Variants in MFSD2B observed in about 807,000 individuals in gnomAD.
MFSD2B encodes the protein MFSD2 lysolipid transporter B, sphingolipid, also known as sphingosine-1-phosphate transporter MFSD2B.
A neutral mutation model predicts 58.4 loss-of-function variants in MFSD2B; 56 were observed. That is an observed-to-expected ratio of 0.96 (90% CI 0.77 to 1.20). The LOEUF is 1.20. MFSD2B is among the 50% of genes most tolerant of loss of function. The pLI is 0.00. For synonymous variants in MFSD2B, 287 were observed against 294.4 expected (o/e 0.97, Z 0.26); for missense variants, 645 against 667.6 (o/e 0.97, Z 0.37).
chr2:24,017,499 G>A lies in MFSD2B; in HGVS notation c.592G>A (p.Val198Ile), dbSNP rs369613796. ...GGCGGGAACACTGATGGGGGCCACT[G>A]TCCACGGGCTCATCGTGTCCGGCGC... is the stretch of plus-strand genomic sequence containing the variant. ...EMAGTLMGAT[V>I]HGLIVSGAHR... Residue 198 changes from valine (V) to isoleucine (I), a missense_variant, in exon 6 of 14, where the codon GTC becomes ATC. Val to Ile is a conservative substitution (Grantham distance 29). Transcript: ENST00000338315. This position sits in a 1 kb window ranked among gnomAD's most constrained non-coding sequence, Gnocchi z 4.8. 3.2e-5 allele frequency: 51 copies of A among 1,596,676 alleles called. No homozygotes were observed. The highest frequency in any genetic ancestry group is 1.7e-4 in the Middle Eastern group (1 of 6,058).
rs1662901210 is a variant in MFSD2B, at chr2:24,024,188, C to T, written c.1407C>T (p.Ile469=). ...TTGGCGCCGTGCCCACCTGCATGAT[C>T]CTTGCTGGGCTCTGCATCCTCATGG... ...VLIGAVPTCM[I]LAGLCILMVG... The change falls in exon 13 of 14, where the codon ATC becomes ATT. Residue 469 remains isoleucine, a synonymous_variant. Transcript: ENST00000338315. The surrounding 1 kb of genome is among the most constrained non-coding windows in gnomAD (Gnocchi z 4.3). 6.2e-7 allele frequency: 1 copy of T among 1,613,778 alleles called. No homozygotes were observed. Among genetic ancestry groups the T allele is most frequent in the Non-Finnish European group, 8.5e-7 (1 of 1,179,812 alleles).
At chr2:24,014,278 C>T (rs1337498526) in intron 2 of MFSD2B, among the ~76,000 whole-genome samples, 1 of 152,066 alleles carries the variant, frequency 6.6e-6, no homozygotes, top group Non-Finnish European at 1.5e-5. Context: ...TCCCAAAGTG[C>T]TGGGATTATA....
chr2:24,024,637 C>T lies in MFSD2B; in HGVS notation c.1490+366C>T, dbSNP rs1199110858. ...CAGCCTGTGCTTCCCTCAACTTCCACAGCCGCATATCACTGGCATGTGGAC... is the reference window on the plus strand; with the variant it reads ...CAGCCTGTGCTTCCCTCAACTTCCATAGCCGCATATCACTGGCATGTGGAC... On this transcript the variant is annotated intron_variant, in intron 13 of 13. Coordinates refer to ENST00000338315, the MANE Select transcript of MFSD2B (RefSeq NM_001346880.2). The surrounding 1 kb of genome is among the most constrained non-coding windows in gnomAD (Gnocchi z 4.3). 6.6e-6 allele frequency among the ~76,000 whole-genome samples: 1 copy of T among 152,190 alleles called. No homozygotes were observed. Among genetic ancestry groups the T allele is most frequent in the Non-Finnish European group, 1.5e-5 (1 of 68,044 alleles).
chr2:24,010,257 C>A, intron 1 of MFSD2B, 65 bp downstream of exon 1: 2 of 1,224,408 alleles, frequency 1.6e-6, no homozygotes, highest in African/African-American at 1.6e-5. Flanking sequence ...CGTCGCCTCG[C>A]AGCCCCTTTT....
In MFSD2B at chr2:24,022,714, CA is replaced by C; in HGVS notation, c.979-107del. On this transcript the variant is annotated intron_variant, in intron 9 of 13. Coordinates refer to ENST00000338315, the MANE Select transcript of MFSD2B (RefSeq NM_001346880.2). The surrounding 1 kb of genome is among the most constrained non-coding windows in gnomAD (Gnocchi z 4.5). ...AACATTCATAGCCACCGGTTTGAACCAGGGGCAAGGCCAAGGTCAGGCATCC... is the reference window on the plus strand; with the variant it reads ...AACATTCATAGCCACCGGTTTGAACCGGGGCAAGGCCAAGGTCAGGCATCC... The C allele has an allele frequency of 3.2e-6, 3 of 935,578 alleles. No homozygotes were observed. The highest frequency in any genetic ancestry group is 3.2e-6 in the Non-Finnish European group (2 of 632,670). 58.0% of individuals were successfully genotyped at this position (935,578 alleles called of 1,614,324 possible). A position where few individuals can be genotyped will look rare whatever the true frequency, so the allele number is the denominator to read the frequency against.
Position 24,021,594 on chromosome 2 carries a change from ACC to A in MFSD2B, c.682-53_682-52del. On this transcript the variant is annotated intron_variant, in intron 6 of 13. Transcript: ENST00000338315. This position sits in a 1 kb window ranked among gnomAD's most constrained non-coding sequence, Gnocchi z 5.7. The stretch of plus-strand genomic sequence containing the variant: ...AGTACTGCCCTGCCCCTCCGGTGTC[ACC>A]ACCTCCAGGGGTTGAAGACATCACC... 6.6e-7 allele frequency: 1 copy of A among 1,522,656 alleles called. No individual in the cohort carries two copies. The highest frequency in any genetic ancestry group is 9.0e-7 in the Non-Finnish European group (1 of 1,112,688). The allele number at this position is 1,522,656 out of a possible 1,614,324, so 94.3% of individuals were successfully genotyped here.
At position 24,017,457 on chromosome 2, in the gene MFSD2B, G is replaced by A; in HGVS notation, c.551-1G>A. On this transcript the variant is annotated splice_acceptor_variant, in intron 5 of 13. Transcript: ENST00000338315. LOFTEE classifies it high-confidence loss of function. This position sits in a 1 kb window ranked among gnomAD's most constrained non-coding sequence, Gnocchi z 4.8. ...CACCTTAAGTGGCACTCTGTCTCCAGGGATGACTGTGGAGATGGCGGGAAC... is the reference window on the plus strand; with the variant it reads ...CACCTTAAGTGGCACTCTGTCTCCAAGGATGACTGTGGAGATGGCGGGAAC... The A allele has an allele frequency of 1.2e-6, 2 of 1,601,972 alleles. No homozygotes were observed. Among genetic ancestry groups the A allele is most frequent in the Non-Finnish European group, 1.7e-6 (2 of 1,174,382 alleles).
Position 24,016,917 on chromosome 2 carries a change from G to T in MFSD2B, c.420G>T (p.Leu140=), listed in dbSNP as rs1328173526. The T allele has an allele frequency of 5.6e-6, 9 of 1,613,932 alleles. No homozygotes were observed. Among genetic ancestry groups the T allele is most frequent in the African/African-American group, 1.3e-5 (1 of 75,068 alleles). Residue 140 remains leucine (L), a synonymous_variant, in exon 4 of 14, where the codon CTG becomes CTT. Coordinates refer to ENST00000338315, the MANE Select transcript of MFSD2B (RefSeq NM_001346880.2). ...FLWFLPPFTS[L]RGLWYTTFYC... Reference sequence around the variant, plus strand: ...GGTTCCTGCCCCCCTTCACCAGCCTGCGAGGCCTCTGGTACACGACTTTCT... The same window carrying T: ...GGTTCCTGCCCCCCTTCACCAGCCTTCGAGGCCTCTGGTACACGACTTTCT...
At position 24,017,553 on chromosome 2, in the gene MFSD2B, G is replaced by T; in HGVS notation, c.646G>T (p.Ala216Ser). ...AHRPHRCEATATPGPVTVSPN... is the reference protein window; with the variant it reads ...AHRPHRCEATSTPGPVTVSPN... Reference sequence around the variant, plus strand: ...CAGACCCCACAGGTGCGAGGCCACTGCGACCCCGGGGCCAGTCACTGTCTC... The same window carrying T: ...CAGACCCCACAGGTGCGAGGCCACTTCGACCCCGGGGCCAGTCACTGTCTC... The change falls in exon 6 of 14, where the codon GCG (alanine) becomes TCG (serine). Residue 216 changes from alanine to serine, a missense_variant. Transcript: ENST00000338315. This position sits in a 1 kb window ranked among gnomAD's most constrained non-coding sequence, Gnocchi z 4.8. The T allele has an allele frequency of 1.9e-6, 3 of 1,565,574 alleles. No homozygotes were observed. Among genetic ancestry groups the T allele is most frequent in the Non-Finnish European group, 2.6e-6 (3 of 1,155,250 alleles).
At chr2:24,016,364 G>C in intron 3 of MFSD2B, 84 bp downstream of exon 3, 1 of 1,447,506 alleles carries the variant, frequency 6.9e-7, no homozygotes, top group Non-Finnish European at 9.3e-7. Context: ...TTTCCTAGCA[G>C]AAACCCACTG....
Position 24,012,982 on chromosome 2 carries a change from T to A in MFSD2B, c.97-303T>A, listed in dbSNP as rs940580813. 4 of 267,088 alleles carry A rather than the reference T, an allele frequency of 1.5e-5. No homozygotes were observed. Among genetic ancestry groups the A allele is most frequent in the African/African-American group, 2.2e-5 (1 of 46,084 alleles). 16.5% of individuals were successfully genotyped at this position (267,088 alleles called of 1,614,324 possible). A position where few individuals can be genotyped will look rare whatever the true frequency, so the allele number is the denominator to read the frequency against. ...ACAAAGGCAGGCTCAAGCCCAGGTC[T>A]CCTGACCTGCAGCTTACACGGCCGT... On this transcript the variant is annotated intron_variant, in intron 1 of 13. Transcript: ENST00000338315. This position sits in a 1 kb window ranked among gnomAD's most constrained non-coding sequence, Gnocchi z 4.5.
In MFSD2B at chr2:24,017,555, G is replaced by T. The variant is rs774122522; in HGVS notation, c.648G>T (p.Ala216=). The part of the protein sequence containing the change: ...AHRPHRCEAT[A]TPGPVTVSPN... The stretch of plus-strand genomic sequence containing the variant: ...GACCCCACAGGTGCGAGGCCACTGC[G>T]ACCCCGGGGCCAGTCACTGTCTCCC... Residue 216 remains alanine, a synonymous_variant, in exon 6 of 14, where the codon GCG becomes GCT. Coordinates refer to ENST00000338315, the MANE Select transcript of MFSD2B (RefSeq NM_001346880.2). This position sits in a 1 kb window ranked among gnomAD's most constrained non-coding sequence, Gnocchi z 4.8. 1.9e-6 allele frequency: 3 copies of T among 1,565,166 alleles called. No individual in the cohort carries two copies. In the South Asian group the frequency reaches 3.5e-5, roughly 18 times the overall value.
chr2:24,025,548 GT>G lies in MFSD2B; in HGVS notation c.*95del. The G allele has an allele frequency of 8.6e-7, 1 of 1,169,114 alleles. No individual in the cohort carries two copies. Among genetic ancestry groups the G allele is most frequent in the Non-Finnish European group, 1.2e-6 (1 of 813,354 alleles). The allele number at this position is 1,169,114 out of a possible 1,614,324, so 72.4% of individuals were successfully genotyped here. Reference sequence around the variant, plus strand: ...CAGCCCTCCAGCACCTGGTCTGGCAGTTTAGTATGTGACCTTTCTCCCTGGG... The same window carrying G: ...CAGCCCTCCAGCACCTGGTCTGGCAGTTAGTATGTGACCTTTCTCCCTGGG... On this transcript the variant is annotated 3_prime_UTR_variant, in exon 14 of 14. Transcript: ENST00000338315.
chr2:24,025,451 G>A lies in MFSD2B; in HGVS notation c.1510G>A (p.Ala504Thr), dbSNP rs1451667408. 3.3e-6 allele frequency: 5 copies of A among 1,535,920 alleles called. No homozygotes were observed. The highest frequency in any genetic ancestry group is 4.4e-6 in the Non-Finnish European group (5 of 1,146,880). ...SLRRRTSYSL[A>T] ...CCACAGGAGGACCAGCTACAGCCTG[G>A]CCTAAAGCTTAGGAGGGCGACTGTG... Residue 504 changes from alanine (A) to threonine (T), a missense_variant, in exon 14 of 14, where the codon GCC (alanine) becomes ACC (threonine). Physicochemically the swap from Ala to Thr is moderately conservative, Grantham distance 58 (BLOSUM62 0). Transcript: ENST00000338315.
chr2:24,016,037 C>T, intron 2 of MFSD2B, 119 bp from the exon 3 acceptor site: 1 of 1,279,358 alleles, frequency 7.8e-7, no homozygotes, highest in Non-Finnish European at 1.1e-6. Context: ...GCCCTTGACA[C>T]TGTGGCTCTG....
Position 24,016,927 on chromosome 2 carries a change from T to G in MFSD2B, c.430T>G (p.Trp144Gly). The change falls in exon 4 of 14, where the codon TGG becomes GGG. Residue 144 changes from tryptophan (W) to glycine (G), a missense_variant. By Grantham distance (184) the Trp-to-Gly change is radical (BLOSUM62 -2). Coordinates refer to ENST00000338315, the MANE Select transcript of MFSD2B (RefSeq NM_001346880.2). ...CCCCTTCACCAGCCTGCGAGGCCTC[T>G]GGTACACGACTTTCTACTGCCTGTT... is the stretch of plus-strand genomic sequence containing the variant. Reference protein sequence around the residue: ...LPPFTSLRGLWYTTFYCLFQA... With the variant: ...LPPFTSLRGLGYTTFYCLFQA... The G allele has an allele frequency of 6.2e-7, 1 of 1,613,928 alleles. No individual in the cohort carries two copies. Among genetic ancestry groups the G allele is most frequent in the Non-Finnish European group, 8.5e-7 (1 of 1,179,868 alleles).
chr2:24,017,704 C>T lies in MFSD2B; in HGVS notation c.681+116C>T, dbSNP rs868680369. On this transcript the variant is annotated intron_variant, in intron 6 of 13. Transcript: ENST00000338315. The surrounding 1 kb of genome is among the most constrained non-coding windows in gnomAD (Gnocchi z 4.8). ...ACTTTGTTGTCTTTTAGGGGGCTCA[C>T]TGTGCCCCCTCATTCCTTCCCTGCT... 1.8e-5 allele frequency: 20 copies of T among 1,105,912 alleles called. No homozygotes were observed. In the Admixed American group the frequency reaches 2.5e-4, roughly 14 times the overall value. The allele number at this position is 1,105,912 out of a possible 1,614,324, so 68.5% of individuals were successfully genotyped here.
chr2:24,021,795 C>A lies in MFSD2B; in HGVS notation c.773-54C>A. The A allele has an allele frequency of 2.5e-6, 4 of 1,612,842 alleles. No homozygotes were observed. The highest frequency in any genetic ancestry group is 3.4e-6 in the Non-Finnish European group (4 of 1,179,210). On this transcript the variant is annotated intron_variant, in intron 7 of 13. Coordinates refer to ENST00000338315, the MANE Select transcript of MFSD2B (RefSeq NM_001346880.2). This position sits in a 1 kb window ranked among gnomAD's most constrained non-coding sequence, Gnocchi z 5.7. ...CTGGGGGCAGGGCTCTGCTTGGGGG[C>A]AGGTTTTGCTTTTGAACTCTGCGAA... is the stretch of plus-strand genomic sequence containing the variant.
Position 24,021,748 on chromosome 2 carries a change from T to C in MFSD2B, c.772+10T>C, listed in dbSNP as rs756688792. 6.2e-7 allele frequency: 1 copy of C among 1,613,182 alleles called. No homozygotes were observed. Among genetic ancestry groups the C allele is most frequent in the Non-Finnish European group, 8.5e-7 (1 of 1,179,530 alleles). ...GTGAAGGAGCGGCCAGGTATGGGGT[T>C]TGGTGAGGAGGGAAGCAGAAGCTGG... On this transcript the variant is annotated intron_variant, in intron 7 of 13. Transcript: ENST00000338315. This position sits in a 1 kb window ranked among gnomAD's most constrained non-coding sequence, Gnocchi z 5.7.
Sources: allele counts gnomAD v4.1 joint callset (sites outside exome capture counted in the v4.1 genomes callset), GRCh38; gene constraint gnomAD v4.1.1; non-coding constraint Gnocchi (gnomAD v3.1); transcripts MANE v1.5; gene names NCBI Gene and HGNC (gene_info 2026-07-23, HGNC 2026-07-21).